ERN1: variants seen among roughly 807,000 people sequenced by gnomAD.
ERN1 encodes serine/threonine-protein kinase/endoribonuclease IRE1.
A neutral mutation model predicts 113.1 loss-of-function variants in ERN1; 39 were observed. The observed-to-expected ratio is 0.34, with a 90% CI of 0.27 to 0.45. The LOEUF is 0.45. Among genes scored for constraint, ERN1 ranks in the 20% least tolerant of loss-of-function variants. ERN1 has a pLI of 1.00. For missense variants in ERN1, 976 were observed against 1,274.8 expected (o/e 0.77, Z 3.57); for synonymous variants, 507 against 515.9 (o/e 0.98, Z 0.23).
chr17:64,120,416 G>T (rs948359931), intron 1 of ERN1, among the ~76,000 whole-genome samples: 2 of 152,092 alleles, frequency 1.3e-5, no homozygotes, highest in Non-Finnish European at 2.9e-5. Context: ...AGAAAAATTC[G>T]GTTTCCATGA....
intron 1 of ERN1, 60 bp from the exon 2 acceptor site, chr17:64,098,301 A>C: frequency 6.3e-7 from 1 of 1,596,554 alleles, no homozygotes; most frequent in South Asian, 1.1e-5. Flanking sequence ...GGGCATGTAC[A>C]ATCACAGACC....
intron 3 of ERN1, 129 bp from the exon 4 acceptor site, chr17:64,079,863 G>C (rs895667254): frequency 4.5e-6 from 3 of 664,126 alleles, no homozygotes; most frequent in Non-Finnish European, 8.1e-6. Context: ...GTATAAGTGA[G>C]TATATAAGAC....
chr17:64,065,163 G>T, intron 9 of ERN1, 46 bp downstream of exon 9: 1 of 1,355,984 alleles, frequency 7.4e-7, no homozygotes, highest in Non-Finnish European at 1.0e-6. Context: ...TGCTAAAATG[G>T]AACAGAAGTG....
intron 4 of ERN1, among the ~76,000 whole-genome samples, chr17:64,078,526 T>A (rs947283584): frequency 1.3e-5 from 2 of 152,212 alleles, no homozygotes; most frequent in Non-Finnish European, 2.9e-5. Context: ...ACTTAATAAA[T>A]CTCTACTTAC....
chr17:64,111,471 T>C (rs552711477), intron 1 of ERN1, among the ~76,000 whole-genome samples: 20 of 152,094 alleles, frequency 1.3e-4, no homozygotes, highest in Non-Finnish European at 2.5e-4. Flanking sequence ...TTCTCCTGCC[T>C]CAGCCTCCCG....
In ERN1 at chr17:64,072,072, G is replaced by A; in HGVS notation, c.387C>T (p.Asp129=). 3 of 1,612,446 alleles carry A rather than the reference G, an allele frequency of 1.9e-6. No individual in the cohort carries two copies. The highest frequency in any genetic ancestry group is 2.2e-5 in the South Asian group (2 of 90,540). ...TCTGCTGCTTCTCTCCGGTCAGGAG[G>A]TCAATAACATACCAGATGTCCTGCT... ...GKKQDIWYVI[D]LLTGEKQQTL... is the part of the protein sequence containing the mutation. Residue 129 remains aspartate, a synonymous_variant, in exon 6 of 22, where the codon GAC becomes GAT. Transcript: ENST00000433197.
chr17:64,071,173 G>A (rs1913402510), intron 6 of ERN1, among the ~76,000 whole-genome samples: 1 of 152,198 alleles, frequency 6.6e-6, no homozygotes, highest in South Asian at 2.1e-4. Flanking sequence ...TGCCACTACA[G>A]GCCTGTTAAC....
chr17:64,104,343 C>T (rs1052345485), intron 1 of ERN1, among the ~76,000 whole-genome samples: 2 of 152,224 alleles, frequency 1.3e-5, no homozygotes, highest in African/African-American at 2.4e-5. Flanking sequence ...TGCCTTGTTG[C>T]CCCCTGCAAT....
intron 3 of ERN1, 106 bp downstream of exon 3, chr17:64,080,669 C>T (rs1913738717): frequency 3.0e-6 from 3 of 1,016,592 alleles, no homozygotes; most frequent in Non-Finnish European, 4.4e-6. Context: ...CACTGTTATT[C>T]CTCAAACTTA....
At chr17:64,072,447 G>A (rs947250982) in intron 5 of ERN1, among the ~76,000 whole-genome samples, 6 of 152,224 alleles carry the variant, frequency 3.9e-5, no homozygotes, top group Admixed American at 6.5e-5. Context: ...TCCTTTTCCC[G>A]TGGACTGGGA....
rs2143311031 is a variant in ERN1 at position 64,044,263 on chromosome 17, A to G, written c.2722-63T>C. On this transcript the variant is annotated intron_variant, in intron 21 of 21. Coordinates refer to ENST00000433197, the MANE Select transcript of ERN1 (RefSeq NM_001433.5). The surrounding 1 kb of genome is among the most constrained non-coding windows in gnomAD (Gnocchi z 4.1). ...GTTAGAAAGCTCGGGAAATGTTGGC[A>G]AAACACCCTTTCATCATGCAAGGAA... is the stretch of plus-strand genomic sequence containing the variant. 8.4e-7 allele frequency: 1 copy of G among 1,184,848 alleles called. No homozygotes were observed. 73.4% of individuals were successfully genotyped at this position (1,184,848 alleles called of 1,614,324 possible).
At chr17:64,060,370 A>G in intron 11 of ERN1, 99 bp downstream of exon 11, 1 of 783,356 alleles carries the variant, frequency 1.3e-6, no homozygotes, top group Non-Finnish European at 2.3e-6. Context: ...CTTCCCTCCC[A>G]GACTAGGCTG....
intron 19 of ERN1, among the ~76,000 whole-genome samples, chr17:64,047,353 C>T (rs565633052): frequency 6.6e-6 from 1 of 152,082 alleles, no homozygotes; most frequent in South Asian, 2.1e-4. Flanking sequence ...CGGAGTGAAA[C>T]GCTGTCTCAA....
chr17:64,062,311 G>A (rs917606441), intron 10 of ERN1, among the ~76,000 whole-genome samples: 1 of 152,252 alleles, frequency 6.6e-6, no homozygotes, highest in Admixed American at 6.5e-5. Flanking sequence ...GTATTTTCAC[G>A]ATTAATGACA....
rs540077130 is a variant in ERN1, at chr17:64,117,182, C to T, written c.54+12794G>A. On this transcript the variant is annotated intron_variant, in intron 1 of 21. Transcript: ENST00000433197. ...ATGTGGCCAGGCGCAGTGGCTCATGCCTGTAACCCCAGCACTTTGGGAGGC... is the reference window on the plus strand; with the variant it reads ...ATGTGGCCAGGCGCAGTGGCTCATGTCTGTAACCCCAGCACTTTGGGAGGC... 1.9e-3 allele frequency among the ~76,000 whole-genome samples: 284 copies of T among 152,082 alleles called. 1 individual carries two copies. Among genetic ancestry groups the T allele is most frequent in the African/African-American group, 6.3e-3 (263 of 41,498 alleles).
intron 1 of ERN1, among the ~76,000 whole-genome samples, chr17:64,115,793 A>G (rs945307022): frequency 1.3e-5 from 2 of 152,072 alleles, no homozygotes; most frequent in African/African-American, 4.8e-5. Context: ...AAGTCATTAG[A>G]TTTTTCCAGG....
chr17:64,055,058 G>A (rs1043500946), intron 13 of ERN1, among the ~76,000 whole-genome samples: 62 of 152,162 alleles, frequency 4.1e-4, no homozygotes, highest in African/African-American at 1.4e-3. Context: ...CTTATTGTGC[G>A]ATTGCATATC....
At chr17:64,073,231 T>C (rs1433293684) in intron 5 of ERN1, among the ~76,000 whole-genome samples, 3 of 144,904 alleles carry the variant, frequency 2.1e-5, no homozygotes, top group Admixed American at 6.9e-5. Flanking sequence ...TGCAGTGGAG[T>C]GATCTCGGCT....
chr17:64,066,807 C>G lies in ERN1; in HGVS notation c.706G>C (p.Gly236Arg). ...VVAFYVWQRE[G>R]LRKVMHINVA... ...TTGATGTGCATCACCTTCCTCAGAC[C>G]CTCCCGCTGCCAGACATAAAAGGCC... The change falls in exon 8 of 22, where the codon GGT (glycine) becomes CGT (arginine). Residue 236 changes from glycine to arginine, a missense_variant. By Grantham distance (125) the Gly-to-Arg change is moderately radical (BLOSUM62 -2). Transcript: ENST00000433197. 4 of 1,613,938 alleles carry G rather than the reference C, an allele frequency of 2.5e-6. No individual in the cohort carries two copies. The highest frequency in any genetic ancestry group is 3.4e-6 in the Non-Finnish European group (4 of 1,179,874).
Sources: allele counts gnomAD v4.1 joint callset (sites outside exome capture counted in the v4.1 genomes callset), GRCh38; gene constraint gnomAD v4.1.1; non-coding constraint Gnocchi (gnomAD v3.1); transcripts MANE v1.5; gene names NCBI Gene and HGNC (gene_info 2026-07-23, HGNC 2026-07-21).